The following GALNT18 variants were observed in gnomAD, a reference collection of about 807,000 sequenced individuals.
GALNT18 encodes the protein GalNAc-transferase 18.
GALNT18 carries 44 observed loss-of-function variants against 69.5 expected under a neutral mutation model. That is an observed-to-expected ratio of 0.63 (90% CI 0.50 to 0.81). The LOEUF (loss-of-function observed/expected upper bound fraction) is 0.81. Ranked by LOEUF, GALNT18 falls within the 40% of genes least tolerant of loss-of-function variation. GALNT18 has a pLI of 0.00. For synonymous variants in GALNT18, 364 were observed against 318.2 expected, an observed-to-expected ratio of 1.14 and a Z score of -1.53; for missense variants, 715 against 810.0, an observed-to-expected ratio of 0.88 and a Z score of 1.42.
At chr11:11,417,865 G>A (rs977143796) in intron 3 of GALNT18, among the ~76,000 whole-genome samples, 1 of 152,192 alleles carries the variant, frequency 6.6e-6, no homozygotes, top group Non-Finnish European at 1.5e-5. Context: ...TCTCATCTGT[G>A]AAATGAACAT....
Position 11,421,802 on chromosome 11 carries a change from T to A in GALNT18, c.595+10819A>T, listed in dbSNP as rs1259519698. Reference sequence around the variant, plus strand: ...ACGCTGCTAGCACACAGCATCTTGATGTACTTGGCCAAAAGGTGCCTTCTC... The same window carrying A: ...ACGCTGCTAGCACACAGCATCTTGAAGTACTTGGCCAAAAGGTGCCTTCTC... On this transcript the variant is annotated intron_variant, in intron 3 of 10. Transcript: ENST00000227756. The surrounding 1 kb of genome is among the most constrained non-coding windows in gnomAD (Gnocchi z 5.6). Among the ~76,000 whole-genome samples, 1 of 151,998 alleles carries A rather than the reference T, an allele frequency of 6.6e-6. No homozygotes were observed. Among genetic ancestry groups the A allele is most frequent in the Non-Finnish European group, 1.5e-5 (1 of 68,014 alleles).
intron 1 of GALNT18, among the ~76,000 whole-genome samples, chr11:11,483,999 AC>A (rs1856589363): frequency 6.6e-6 from 1 of 151,360 alleles, no homozygotes; most frequent in Non-Finnish European, 1.5e-5. Context: ...CCAATGTGTA[AC>A]CCCCTCCCCG....
intron 1 of GALNT18, among the ~76,000 whole-genome samples, chr11:11,581,793 A>G (rs1033835148): frequency 2.0e-5 from 3 of 152,036 alleles, no homozygotes; most frequent in Admixed American, 2.0e-4. Context: ...AGGCAGGGAG[A>G]GGTTGTGCTT....
In GALNT18 at chr11:11,497,371, C is replaced by CACACACACACACACACACACACA. The variant is rs3221469; in HGVS notation, c.236-48436_236-48435insTGTGTGTGTGTGTGTGTGTGTGT. ...ACACACACACACACACACACACACA[C>CACACACACACACACACACACACA]CCCTTAGAATGGGGCTCCTTAAGAG... On this transcript the variant is annotated intron_variant, in intron 1 of 10. Coordinates refer to ENST00000227756, the MANE Select transcript of GALNT18 (RefSeq NM_198516.3). This position sits in a 1 kb window ranked among gnomAD's most constrained non-coding sequence, Gnocchi z 4.2. Among the ~76,000 whole-genome samples the CACACACACACACACACACACACA allele has an allele frequency of 1.5e-5, 2 of 131,746 alleles. No individual in the cohort carries two copies. The highest frequency in any genetic ancestry group is 2.7e-5 in the African/African-American group (1 of 37,620). The allele number at this position is 131,746 out of a possible 152,430, so 86.4% of individuals were successfully genotyped here.
rs1277719833 is a variant in GALNT18 at position 11,469,003 on chromosome 11, A to G, written c.236-20067T>C. 6.6e-6 allele frequency among the ~76,000 whole-genome samples: 1 copy of G among 152,162 alleles called. No individual in the cohort carries two copies. The highest frequency in any genetic ancestry group is 2.4e-5 in the African/African-American group (1 of 41,424). On this transcript the variant is annotated intron_variant, in intron 1 of 10. Coordinates refer to ENST00000227756, the MANE Select transcript of GALNT18 (RefSeq NM_198516.3). This position sits in a 1 kb window ranked among gnomAD's most constrained non-coding sequence, Gnocchi z 4.2. ...GACAGATGGACAGTCCTATAGACAG[A>G]TGGCCATACAGCGGTTGCCAGGGTT...
intron 3 of GALNT18, among the ~76,000 whole-genome samples, chr11:11,392,263 G>A (rs546410262): frequency 1.2e-4 from 19 of 152,274 alleles, no homozygotes; most frequent in South Asian, 4.1e-4. Flanking sequence ...CTCATATAAA[G>A]GTTTTGAGGA....
At chr11:11,349,185 T>A (rs947771306) in intron 6 of GALNT18, among the ~76,000 whole-genome samples, 1 of 152,232 alleles carries the variant, frequency 6.6e-6, no homozygotes, top group Non-Finnish European at 1.5e-5. Flanking sequence ...AAATATGCAG[T>A]AATTTATTTA....
chr11:11,554,539 C>G (rs548629601), intron 1 of GALNT18, among the ~76,000 whole-genome samples: 14 of 152,092 alleles, frequency 9.2e-5, no homozygotes, highest in African/African-American at 2.7e-4. Context: ...ATTTAAGACA[C>G]CCTGAAAGTT....
chr11:11,271,107 C>G lies in GALNT18; in HGVS notation c.*37G>C. The G allele has an allele frequency of 6.3e-7, 1 of 1,594,220 alleles. No homozygotes were observed. The highest frequency in any genetic ancestry group is 1.1e-5 in the South Asian group (1 of 89,568). On this transcript the variant is annotated 3_prime_UTR_variant, in exon 11 of 11. Transcript: ENST00000227756. Reference sequence around the variant, plus strand: ...AGGCAACGTTGCAGCAGGTGCTACACAGTAGCAAAGAGGCAGCCGGAAGTG... The same window carrying G: ...AGGCAACGTTGCAGCAGGTGCTACAGAGTAGCAAAGAGGCAGCCGGAAGTG...
intron 9 of GALNT18, among the ~76,000 whole-genome samples, chr11:11,296,401 A>G (rs7114163): frequency 0.37 from 55,671 of 151,790 alleles, 10,200 homozygotes; most frequent in Admixed American, 0.39. Context: ...ACCTGTTTAT[A>G]CCCCTGGGTT....
At position 11,543,357 on chromosome 11, in the gene GALNT18, C is replaced by T. The variant is rs1165666132; in HGVS notation, c.235+78002G>A. On this transcript the variant is annotated intron_variant, in intron 1 of 10. Coordinates refer to ENST00000227756, the MANE Select transcript of GALNT18 (RefSeq NM_198516.3). The surrounding 1 kb of genome is among the most constrained non-coding windows in gnomAD (Gnocchi z 5.1). ...CATGGCAGGAATCCTTAGTAGGCCA[C>T]CTCAGCTGGAGTGACAGGGACGTGG... Among the ~76,000 whole-genome samples, 2 of 152,166 alleles carry T rather than the reference C, an allele frequency of 1.3e-5. No individual in the cohort carries two copies. Among genetic ancestry groups the T allele is most frequent in the East Asian group, 1.9e-4 (1 of 5,190 alleles).
chr11:11,275,276 T>G (rs916929476), intron 10 of GALNT18, among the ~76,000 whole-genome samples: 3 of 152,280 alleles, frequency 2.0e-5, no homozygotes, highest in Non-Finnish European at 4.4e-5. Flanking sequence ...GGTTTTGATT[T>G]GCATTTCTCT....
chr11:11,360,445 T>C (rs1035619334), intron 6 of GALNT18, among the ~76,000 whole-genome samples: 1 of 152,234 alleles, frequency 6.6e-6, no homozygotes, highest in Non-Finnish European at 1.5e-5. Context: ...TTTGAGTAAA[T>C]GTCACTAAGC....
intron 1 of GALNT18, among the ~76,000 whole-genome samples, chr11:11,499,757 AAGAAAG>A (rs1343487823): frequency 2.6e-5 from 4 of 152,202 alleles, no homozygotes; most frequent in Non-Finnish European, 5.9e-5. Flanking sequence ...CTGGTGACTC[AAGAAAG>A]ATTCAGACCT....
intron 3 of GALNT18, among the ~76,000 whole-genome samples, chr11:11,424,605 A>G (rs905137860): frequency 7.2e-5 from 11 of 152,310 alleles, no homozygotes; most frequent in African/African-American, 2.6e-4. Context: ...GACCAGGATC[A>G]TGTTCCTGTC....
chr11:11,324,807 C>A (rs1177681478), intron 9 of GALNT18, among the ~76,000 whole-genome samples: 1 of 150,554 alleles, frequency 6.6e-6, no homozygotes, highest in African/African-American at 2.4e-5. Context: ...GGATATTTAT[C>A]CTTTGTTGGA....
At chr11:11,524,617 G>A (rs577133300) in intron 1 of GALNT18, among the ~76,000 whole-genome samples, 71 of 152,340 alleles carry the variant, frequency 4.7e-4, no homozygotes, top group African/African-American at 1.6e-3. Context: ...GGGAAGACAC[G>A]TGGAACAGAA....
intron 1 of GALNT18, among the ~76,000 whole-genome samples, chr11:11,534,776 A>G (rs543940561): frequency 1.4e-4 from 22 of 152,354 alleles, no homozygotes; most frequent in African/African-American, 5.3e-4. Context: ...GTGTTTACAA[A>G]TACAACTGCA....
intron 1 of GALNT18, among the ~76,000 whole-genome samples, chr11:11,597,539 G>C (rs558143868): frequency 6.6e-6 from 1 of 151,788 alleles, no homozygotes; most frequent in East Asian, 1.9e-4. Flanking sequence ...TCTAAGAATT[G>C]GTCCATTTTA....
Sources: gnomAD v4.1 joint callset for allele counts (sites outside exome capture counted in the v4.1 genomes callset) on GRCh38, gnomAD v4.1.1 for gene constraint, Gnocchi (gnomAD v3.1) non-coding constraint, MANE v1.5 for transcripts, NCBI Gene and HGNC (gene_info 2026-07-23, HGNC 2026-07-21) for gene names.